The following PPHLN1 variants were observed in gnomAD, a reference collection of about 807,000 sequenced individuals.
The protein encoded by PPHLN1 is periphilin 1.
Under a neutral mutation model 51.3 loss-of-function variants are expected in PPHLN1, and 29 were observed. The observed-to-expected ratio is 0.57, with a 90% CI of 0.42 to 0.77. PPHLN1 has a LOEUF of 0.77. PPHLN1 is among the 30% of genes least tolerant of loss of function. The pLI, the probability that PPHLN1 is intolerant of heterozygous loss-of-function variation, is 0.00. For missense variants in PPHLN1, 436 were observed against 438.4 expected (o/e 0.99, Z 0.05); for synonymous variants, 147 against 147.8 (o/e 0.99, Z 0.04).
At chr12:42,442,578 C>T, downstream of PPHLN1, 3 of 1,606,178 alleles carry the variant, frequency 1.9e-6, no homozygotes, top group South Asian at 2.2e-5. Flanking sequence ...CCGGCAGTCC[C>T]CTAGCCATTC....
intron 2 of PPHLN1, among the ~76,000 whole-genome samples, chr12:42,338,258 G>A (rs1463091926): frequency 6.6e-6 from 1 of 152,182 alleles, no homozygotes; most frequent in African/African-American, 2.4e-5. Context: ...GTGTTTTGAA[G>A]ATACTTAAAA....
downstream of PPHLN1, chr12:42,445,616 C>T (rs576152065): frequency 7.7e-5 from 16 of 206,802 alleles, no homozygotes; most frequent in South Asian, 1.6e-3. Flanking sequence ...CCGGCTTATG[C>T]CAGCTCACTC....
intron 2 of PPHLN1, among the ~76,000 whole-genome samples, chr12:42,338,799 A>G (rs2071065612): frequency 6.6e-6 from 1 of 152,148 alleles, no homozygotes; most frequent in Non-Finnish European, 1.5e-5. Context: ...TAGATAATTA[A>G]ATTATTGTCT....
At chr12:42,406,747 C>G (rs143782143) in intron 9 of PPHLN1, among the ~76,000 whole-genome samples, 36 of 151,862 alleles carry the variant, frequency 2.4e-4, no homozygotes, top group African/African-American at 8.5e-4. Context: ...AATAAAAGTT[C>G]TTAATTTTAT....
intron 7 of PPHLN1, among the ~76,000 whole-genome samples, chr12:42,392,139 C>G (rs980856550): frequency 6.6e-6 from 1 of 152,104 alleles, no homozygotes; most frequent in Non-Finnish European, 1.5e-5. Flanking sequence ...TCGCTTGAAC[C>G]CAGGAGGCGG....
intron 9 of PPHLN1, among the ~76,000 whole-genome samples, chr12:42,430,844 C>G (rs1344412707): frequency 2.0e-5 from 3 of 152,080 alleles, no homozygotes; most frequent in African/African-American, 7.2e-5. Flanking sequence ...TATTTACTAT[C>G]TGCATACAAA....
At chr12:42,426,689 C>T (rs1257764919) in intron 9 of PPHLN1, among the ~76,000 whole-genome samples, 1 of 152,106 alleles carries the variant, frequency 6.6e-6, no homozygotes, top group African/African-American at 2.4e-5. Context: ...AACCCACAGC[C>T]ATCCTTAGAC....
chr12:42,381,663 C>G (rs557557948), intron 5 of PPHLN1, among the ~76,000 whole-genome samples: 4 of 152,262 alleles, frequency 2.6e-5, no homozygotes, highest in African/African-American at 9.6e-5. Flanking sequence ...TCTCCATTTT[C>G]TAATTCATAT....
At position 42,393,629 on chromosome 12, in the gene PPHLN1, G is replaced by C; in HGVS notation, c.708G>C (p.Trp236Cys). 1 of 1,611,482 alleles carries C rather than the reference G, an allele frequency of 6.2e-7. No homozygotes were observed. The highest frequency in any genetic ancestry group is 1.3e-5 in the African/African-American group (1 of 74,930). ...EKELAEAASK[W>C]AAEKLEKSDE... ...AACTTGCTGAGGCTGCAAGCAAGTG[G>C]GCTGCTGAAAAGCTAGAGAAATCAG... The change falls in exon 8 of 10, where the codon TGG becomes TGC. Residue 236 changes from tryptophan (W) to cysteine (C), a missense_variant. By Grantham distance (215) the Trp-to-Cys change is radical (BLOSUM62 -2). Transcript: ENST00000358314.
chr12:42,402,473 G>A (rs1376918483), intron 9 of PPHLN1, among the ~76,000 whole-genome samples: 5 of 151,952 alleles, frequency 3.3e-5, no homozygotes, highest in Non-Finnish European at 5.9e-5. Context: ...TTTGAATTCC[G>A]TACTATCACC....
chr12:42,395,818 GAGAT>G (rs2078150836), intron 8 of PPHLN1, among the ~76,000 whole-genome samples: 2 of 152,240 alleles, frequency 1.3e-5, no homozygotes, highest in South Asian at 4.1e-4. Context: ...ATTATGAGCT[GAGAT>G]AGATAGAATG....
At chr12:42,334,850 T>G (rs2137769042) in intron 1 of PPHLN1, among the ~76,000 whole-genome samples, 1 of 152,374 alleles carries the variant, frequency 6.6e-6, no homozygotes, top group African/African-American at 2.4e-5. Flanking sequence ...GTGAAGCTAC[T>G]GCCTGCAAGC....
chr12:42,414,601 G>A (rs1029711514), intron 9 of PPHLN1, among the ~76,000 whole-genome samples: 6 of 152,178 alleles, frequency 3.9e-5, no homozygotes, highest in African/African-American at 1.4e-4. Flanking sequence ...GTGTATAGCA[G>A]TGCTACTGAT....
At chr12:42,384,164 T>C (rs1256050264) in intron 5 of PPHLN1, among the ~76,000 whole-genome samples, 1 of 151,918 alleles carries the variant, frequency 6.6e-6, no homozygotes, top group Non-Finnish European at 1.5e-5. Flanking sequence ...AAGATGGCAA[T>C]ATTTTCATGA....
chr12:42,351,895 A>G lies in PPHLN1; in HGVS notation c.83A>G (p.Asn28Ser), dbSNP rs1013323085. 3 of 1,560,850 alleles carry G rather than the reference A, an allele frequency of 1.9e-6. No individual in the cohort carries two copies. The highest frequency in any genetic ancestry group is 2.8e-5 in the African/African-American group (2 of 71,320). Residue 28 changes from asparagine to serine, a missense_variant, in exon 3 of 10, where the codon AAT (asparagine) becomes AGT (serine). Coordinates refer to ENST00000358314, the MANE Select transcript of PPHLN1 (RefSeq NM_201439.2). ...PPRSHPSDGY[N>S]RLVNIVPKKP... ...TTTTGTCTGTTTTAGGATGGCTACA[A>G]TAGACTAGTTAATATTGTGCCAAAG...
intron 9 of PPHLN1, chr12:42,399,608 A>G (rs1009281873): frequency 2.5e-5 from 5 of 197,040 alleles, no homozygotes; most frequent in Non-Finnish European, 4.6e-5. Context: ...ATGTAATTAC[A>G]TTGATAATAA....
rs56927510 is a variant in PPHLN1, at chr12:42,406,086, G to GT, written c.909+7107dup. 8.9e-3 allele frequency among the ~76,000 whole-genome samples: 1,208 copies of GT among 135,168 alleles called. 12 individuals are homozygous for GT. The highest frequency in any genetic ancestry group is 0.023 in the African/African-American group (864 of 37,418). 88.7% of individuals were successfully genotyped at this position (135,168 alleles called of 152,430 possible). The stretch of plus-strand genomic sequence containing the variant: ...ATTCTTAACATTATAGTTTAGTCTG[G>GT]TTTTTTTTTTTTTTTGAGACAGAGT... On this transcript the variant is annotated intron_variant, in intron 9 of 9. Coordinates refer to ENST00000358314, the MANE Select transcript of PPHLN1 (RefSeq NM_201439.2).
chr12:42,446,032 C>G (rs1170450577), downstream of PPHLN1: 1 of 1,550,222 alleles, frequency 6.5e-7, no homozygotes, highest in Non-Finnish European at 8.7e-7. Flanking sequence ...TAGGACCCAA[C>G]CAAGTACCAG....
intron 1 of PPHLN1, among the ~76,000 whole-genome samples, chr12:42,334,683 T>C (rs3827523): frequency 0.16 from 24,721 of 152,188 alleles, 2,055 homozygotes; most frequent in Admixed American, 0.2. Flanking sequence ...TACTGAAAGG[T>C]ACTAACTTAC....
Sources: allele counts gnomAD v4.1 joint callset (sites outside exome capture counted in the v4.1 genomes callset), GRCh38; gene constraint gnomAD v4.1.1; transcripts MANE v1.5; gene names NCBI Gene and HGNC (gene_info 2026-07-23, HGNC 2026-07-21).